The following FRAS1 variants were observed in gnomAD, a reference collection of about 807,000 sequenced individuals.
The protein encoded by FRAS1 is extracellular matrix organizing protein FRAS1.
A neutral mutation model predicts 435.2 loss-of-function variants in FRAS1; 290 were observed. That is an observed-to-expected ratio of 0.67 (90% CI 0.61 to 0.73). The LOEUF is 0.73. Among genes scored for constraint, FRAS1 ranks in the 30% least tolerant of loss-of-function variants. FRAS1 has a pLI of 0.00. For missense variants in FRAS1, 4,860 were observed against 5,001.5 expected (o/e 0.97, Z 0.85); for synonymous variants, 1,800 against 1,851.0 (o/e 0.97, Z 0.71).
Position 78,335,903 on chromosome 4 carries a change from GTTTTTT to G in FRAS1, c.2279-1760_2279-1755del, listed in dbSNP as rs3086784. On this transcript the variant is annotated intron_variant, in intron 19 of 73. Coordinates refer to ENST00000512123, the MANE Select transcript of FRAS1 (RefSeq NM_025074.7). The stretch of plus-strand genomic sequence containing the variant: ...CTTTATTGTAGCACCGTGTGTGGTG[GTTTTTT>G]TTTTTTTTTTGGTATATACAGGAAA... 1.9e-3 allele frequency among the ~76,000 whole-genome samples: 253 copies of G among 135,064 alleles called. 3 individuals are homozygous for G. The highest frequency in any genetic ancestry group is 6.2e-3 in the African/African-American group (228 of 37,050). 88.6% of individuals were successfully genotyped at this position (135,064 alleles called of 152,430 possible). A position where few individuals can be genotyped will look rare whatever the true frequency, so the allele number is the denominator to read the frequency against.
At position 78,469,633 on chromosome 4, in the gene FRAS1, TGG is replaced by T. The variant is rs386676422; in HGVS notation, c.7258-344_7258-343del. 6.6e-5 allele frequency among the ~76,000 whole-genome samples: 8 copies of T among 121,266 alleles called. No homozygotes were observed. In the East Asian group the frequency reaches 1.2e-3, roughly 19 times the overall value. 79.6% of individuals were successfully genotyped at this position (121,266 alleles called of 152,430 possible). A position where few individuals can be genotyped will look rare whatever the true frequency, so the allele number is the denominator to read the frequency against. ...GTTTATTGAAAGGAAAAGTACTGTT[TGG>T]TTTTTTTTTCATCCCAAGGCAGTAT... On this transcript the variant is annotated intron_variant, in intron 50 of 73. Coordinates refer to ENST00000512123, the MANE Select transcript of FRAS1 (RefSeq NM_025074.7).
At chr4:78,193,053 G>A (rs1722622011) in intron 2 of FRAS1, among the ~76,000 whole-genome samples, 1 of 152,162 alleles carries the variant, frequency 6.6e-6, no homozygotes, top group Non-Finnish European at 1.5e-5. Flanking sequence ...TCAGGAGCAG[G>A]TTATTTATTT....
intron 70 of FRAS1, among the ~76,000 whole-genome samples, chr4:78,531,185 ATTAT>A (rs1054450386): frequency 1.3e-5 from 2 of 152,106 alleles, no homozygotes; most frequent in Non-Finnish European, 2.9e-5. Flanking sequence ...TTGCACATTG[ATTAT>A]TTATCCTGAG....
chr4:78,428,463 C>T (rs1197549424), intron 35 of FRAS1, among the ~76,000 whole-genome samples: 2 of 152,176 alleles, frequency 1.3e-5, no homozygotes, highest in Non-Finnish European at 2.9e-5. Context: ...GCTGGGACTG[C>T]AGGTGCCCGC....
chr4:78,245,093 A>G (rs1403534218), intron 3 of FRAS1, 140 bp from the exon 4 acceptor site: 5 of 663,418 alleles, frequency 7.5e-6, no homozygotes, highest in Non-Finnish European at 1.4e-5. Context: ...TTTTCAGTCT[A>G]TTCATTTTAT....
chr4:78,256,481 G>A (rs1000085302), intron 6 of FRAS1, among the ~76,000 whole-genome samples: 2 of 152,128 alleles, frequency 1.3e-5, no homozygotes, highest in Non-Finnish European at 2.9e-5. Flanking sequence ...TAAGCAGTTT[G>A]CCACCATAAC....
chr4:78,323,333 T>A (rs1729583944), intron 18 of FRAS1, among the ~76,000 whole-genome samples: 1 of 152,234 alleles, frequency 6.6e-6, no homozygotes, highest in Non-Finnish European at 1.5e-5. Context: ...GTAGTAATTG[T>A]AGTAATTTCA....
chr4:78,367,344 G>A (rs920077549), intron 22 of FRAS1, among the ~76,000 whole-genome samples: 2 of 151,650 alleles, frequency 1.3e-5, no homozygotes, highest in Admixed American at 6.6e-5. Context: ...GGAGGCTACA[G>A]TGAGCTGTGT....
At chr4:78,534,817 G>A (rs1578379023) in intron 71 of FRAS1, among the ~76,000 whole-genome samples, 1 of 152,162 alleles carries the variant, frequency 6.6e-6, no homozygotes. Flanking sequence ...CACACACTTG[G>A]CACTATAATG....
In FRAS1 at chr4:78,431,512, G is replaced by A. The variant is rs144426988; in HGVS notation, c.4970-845G>A. Among the ~76,000 whole-genome samples the A allele has an allele frequency of 3.9e-3, 597 of 152,244 alleles. 2 individuals carry two copies. Among genetic ancestry groups the A allele is most frequent in the Non-Finnish European group, 6.9e-3 (472 of 68,008 alleles). ...CTTAGAAGATGAATAGACAGAATGA[G>A]TAAATTCTTCAATCTCAATACATAG... On this transcript the variant is annotated intron_variant, in intron 37 of 73. Coordinates refer to ENST00000512123, the MANE Select transcript of FRAS1 (RefSeq NM_025074.7).
rs1191197027 is a variant in FRAS1, at chr4:78,308,189, A to G, written c.1658A>G (p.Asn553Ser). 1 of 1,613,940 alleles carries G rather than the reference A, an allele frequency of 6.2e-7. No individual in the cohort carries two copies. The highest frequency in any genetic ancestry group is 1.7e-5 in the Admixed American group (1 of 60,012). The change falls in exon 15 of 74, where the codon AAC becomes AGC. Residue 553 changes from asparagine to serine, a missense_variant. Asn to Ser is a conservative substitution (Grantham distance 46). Coordinates refer to ENST00000512123, the MANE Select transcript of FRAS1 (RefSeq NM_025074.7). ...AGCAGCTGTGGAAAAGGCTTCTACA[A>G]CAGGCAGGGCACCTGTAGCGGTGAG... Reference protein sequence around the residue: ...CESSCGKGFYNRQGTCSACDQ... With the variant: ...CESSCGKGFYSRQGTCSACDQ...
At chr4:78,359,711 G>C (rs1731002501) in intron 20 of FRAS1, among the ~76,000 whole-genome samples, 1 of 152,120 alleles carries the variant, frequency 6.6e-6, no homozygotes, top group Admixed American at 6.5e-5. Flanking sequence ...TTAGAGAGTT[G>C]AACTTTGCAC....
At chr4:78,197,854 T>C (rs1349175532) in intron 2 of FRAS1, among the ~76,000 whole-genome samples, 1 of 151,302 alleles carries the variant, frequency 6.6e-6, no homozygotes, top group Non-Finnish European at 1.5e-5. Context: ...GGCAGGAGAA[T>C]GGCGTGAACC....
intron 47 of FRAS1, among the ~76,000 whole-genome samples, chr4:78,460,187 A>T (rs1474785112): frequency 6.6e-6 from 1 of 152,190 alleles, no homozygotes; most frequent in Admixed American, 6.5e-5. Flanking sequence ...ATCATCTAAC[A>T]CGCTGTTAAG....
chr4:78,267,821 T>C (rs1366539043), intron 9 of FRAS1, among the ~76,000 whole-genome samples: 2 of 152,220 alleles, frequency 1.3e-5, no homozygotes, highest in African/African-American at 4.8e-5. Context: ...GGGCTCTTGC[T>C]GTAGGCCCCA....
chr4:78,313,551 A>T (rs1400272370), intron 15 of FRAS1, among the ~76,000 whole-genome samples: 1 of 152,162 alleles, frequency 6.6e-6, no homozygotes, highest in African/African-American at 2.4e-5. Flanking sequence ...CAGCATAGAA[A>T]AGATTGAGTC....
intron 70 of FRAS1, among the ~76,000 whole-genome samples, chr4:78,532,069 C>G (rs1333770811): frequency 1.3e-5 from 2 of 152,186 alleles, no homozygotes; most frequent in Non-Finnish European, 2.9e-5. Flanking sequence ...CTTAACACAG[C>G]AAACCCCTCA....
At chr4:78,313,642 A>G (rs1729124405) in intron 15 of FRAS1, among the ~76,000 whole-genome samples, 1 of 152,186 alleles carries the variant, frequency 6.6e-6, no homozygotes, top group African/African-American at 2.4e-5. Flanking sequence ...GTTCAAAGCC[A>G]GTCTCTCAAC....
At chr4:78,140,704 C>CATATACGTGTGTGTATATGT (rs1334605345) in intron 2 of FRAS1, among the ~76,000 whole-genome samples, 11 of 118,980 alleles carry the variant, frequency 9.2e-5, no homozygotes, top group African/African-American at 4.2e-4. Context: ...TGTGTATATG[C>CATATACGTGTGTGTATATGT]ATATACGTGT....
Sources: gnomAD v4.1 joint callset for allele counts (sites outside exome capture counted in the v4.1 genomes callset) on GRCh38, gnomAD v4.1.1 for gene constraint, MANE v1.5 for transcripts, NCBI Gene and HGNC (gene_info 2026-07-23, HGNC 2026-07-21) for gene names.